Variants in LPP observed in about 807,000 individuals in gnomAD.
The protein encoded by LPP is LIM domain containing preferred translocation partner in lipoma.
LPP carries 38 observed loss-of-function variants against 60.4 expected under a neutral mutation model. The ratio of observed to expected loss-of-function variants is 0.63; its 90% CI spans 0.49 to 0.83. The LOEUF is 0.83. Among genes scored for constraint, LPP ranks in the 40% least tolerant of loss-of-function variants. The probability of loss-of-function intolerance (pLI) is 0.00; values close to 1 mark genes in which losing one functional copy is unlikely to be tolerated. For missense variants in LPP, 902 were observed against 783.6 expected (o/e 1.15, Z -1.80); for synonymous variants, 328 against 290.8 (o/e 1.13, Z -1.30).
chr3:188,463,162 T>G (rs1023358451), intron 4 of LPP, among the ~76,000 whole-genome samples: 2 of 152,118 alleles, frequency 1.3e-5, no homozygotes, highest in African/African-American at 4.8e-5. Flanking sequence ...GTGTCTCTTT[T>G]ACTGCATATG....
At chr3:188,421,909 A>T (rs1560382755) in intron 4 of LPP, among the ~76,000 whole-genome samples, 1 of 152,296 alleles carries the variant, frequency 6.6e-6, no homozygotes, top group Middle Eastern at 3.4e-3. Flanking sequence ...CACCAAGGTT[A>T]TGGCTCCTAA....
intron 9 of LPP, among the ~76,000 whole-genome samples, chr3:188,823,021 A>T (rs1754422470): frequency 6.6e-6 from 1 of 152,090 alleles, no homozygotes; most frequent in Non-Finnish European, 1.5e-5. Context: ...TCCTGTAGAG[A>T]TACTTGGACA....
intron 7 of LPP, among the ~76,000 whole-genome samples, chr3:188,660,163 A>C (rs560918395): frequency 2.6e-5 from 4 of 152,068 alleles, no homozygotes; most frequent in Admixed American, 6.6e-5. Flanking sequence ...TTCTCTCCTT[A>C]CTTTTGCCTT....
In LPP at chr3:188,882,200, A is replaced by G. The variant is rs1298335579; in HGVS notation, c.*7721A>G. Reference sequence around the variant, plus strand: ...TGACATTAGTAAGACTTTATGGAGTACATAAAATTTGATAAGAAATCTTGA... The same window carrying G: ...TGACATTAGTAAGACTTTATGGAGTGCATAAAATTTGATAAGAAATCTTGA... On this transcript the variant is annotated 3_prime_UTR_variant, in exon 12 of 12. Transcript: ENST00000617246. 4.6e-6 allele frequency: 1 copy of G among 215,928 alleles called. No homozygotes were observed. Among genetic ancestry groups the G allele is most frequent in the African/African-American group, 2.3e-5 (1 of 44,438 alleles). The allele number at this position is 215,928 out of a possible 1,614,324, so 13.4% of individuals were successfully genotyped here.
At position 188,253,133 on chromosome 3, in the gene LPP, C is replaced by T. The variant is rs936363902; in HGVS notation, c.-67+27606C>T. ...TTTTTTTCTCAATTAGAAAGGTCTT[C>T]GGAAATTAGATATATTGGCCTTTCA... On this transcript the variant is annotated intron_variant, in intron 2 of 11. Transcript: ENST00000617246. 1.1e-4 allele frequency among the ~76,000 whole-genome samples: 17 copies of T among 148,068 alleles called. No individual in the cohort carries two copies. The South Asian group carries it at 1.5e-3, about 13-fold the overall frequency.
At chr3:188,459,588 C>T (rs1314764600) in intron 4 of LPP, among the ~76,000 whole-genome samples, 4 of 152,064 alleles carry the variant, frequency 2.6e-5, no homozygotes, top group African/African-American at 9.7e-5. Context: ...ATTGACTTTT[C>T]CAGGAAACTT....
At chr3:188,307,435 G>A (rs1323778357) in intron 2 of LPP, among the ~76,000 whole-genome samples, 2 of 152,188 alleles carry the variant, frequency 1.3e-5, no homozygotes, top group African/African-American at 4.8e-5. Flanking sequence ...TCAATGATTA[G>A]AAATAGCTGT....
At chr3:188,799,108 A>C (rs1214743565) in intron 9 of LPP, among the ~76,000 whole-genome samples, 2 of 152,256 alleles carry the variant, frequency 1.3e-5, no homozygotes, top group Non-Finnish European at 2.9e-5. Flanking sequence ...GTTCTCATTC[A>C]GCCTGCTGGA....
intron 2 of LPP, chr3:188,247,261 G>GGA (rs537847257): frequency 1.2e-4 from 55 of 478,206 alleles, no homozygotes; most frequent in South Asian, 1.0e-3. Context: ...ACTTTAGTGG[G>GGA]AAAAAAAAAA....
At chr3:188,424,195 G>C (rs758006558) in intron 4 of LPP, among the ~76,000 whole-genome samples, 1 of 152,030 alleles carries the variant, frequency 6.6e-6, no homozygotes, top group Admixed American at 6.6e-5. Context: ...TTTCCAAACA[G>C]CATTTATTAA....
chr3:188,616,610 C>A (rs13058812), intron 7 of LPP, among the ~76,000 whole-genome samples: 1 of 151,518 alleles, frequency 6.6e-6, no homozygotes, highest in East Asian at 1.9e-4. Context: ...TTTCCGTATA[C>A]GTTTTAGCAT....
chr3:188,694,722 T>C (rs1294966957), intron 7 of LPP, among the ~76,000 whole-genome samples: 2 of 151,266 alleles, frequency 1.3e-5, no homozygotes, highest in Admixed American at 6.6e-5. Flanking sequence ...AAATAAAAAC[T>C]AAAAAACAAC....
chr3:188,609,953 C>T lies in LPP; in HGVS notation c.1113+109C>T. ...AAGTGTGTGTGTTACTTTTATTTCA[C>T]TGACAAATACAATCCCAGGGAAGGA... is the stretch of plus-strand genomic sequence containing the variant. On this transcript the variant is annotated intron_variant, in intron 7 of 11. Transcript: ENST00000617246. This position sits in a 1 kb window ranked among gnomAD's most constrained non-coding sequence, Gnocchi z 6.9. 2 of 1,040,934 alleles carry T rather than the reference C, an allele frequency of 1.9e-6. No homozygotes were observed. The highest frequency in any genetic ancestry group is 1.6e-5 in the South Asian group (1 of 60,994). The allele number at this position is 1,040,934 out of a possible 1,614,324, so 64.5% of individuals were successfully genotyped here. A position where few individuals can be genotyped will look rare whatever the true frequency, so the allele number is the denominator to read the frequency against.
chr3:188,714,202 G>T lies in LPP; in HGVS notation c.1240+5809G>T, dbSNP rs79943348. Among the ~76,000 whole-genome samples the T allele has an allele frequency of 0.02, 3,005 of 152,186 alleles. 207 individuals carry two copies. In the East Asian group the frequency reaches 0.25, roughly 13 times the overall value. On this transcript the variant is annotated intron_variant, in intron 8 of 11. Transcript: ENST00000617246. ...TCATAATACATTACCATTACAGAAAGGTATATAAATGCTGTTCCTGCTGAA... is the reference window on the plus strand; with the variant it reads ...TCATAATACATTACCATTACAGAAATGTATATAAATGCTGTTCCTGCTGAA...
At chr3:188,284,182 A>C (rs1335833457) in intron 2 of LPP, among the ~76,000 whole-genome samples, 1 of 151,860 alleles carries the variant, frequency 6.6e-6, no homozygotes, top group African/African-American at 2.4e-5. Context: ...ACCTGACCTC[A>C]GGTGATCCGC....
chr3:188,179,153 C>T (rs548554507), intron 1 of LPP: 1 of 416,096 alleles, frequency 2.4e-6, no homozygotes, highest in African/African-American at 2.1e-5. Flanking sequence ...ACATATTCCC[C>T]CCGGCCCCCA....
intron 5 of LPP, among the ~76,000 whole-genome samples, chr3:188,506,705 C>T (rs1481157807): frequency 6.6e-6 from 1 of 152,232 alleles, no homozygotes; most frequent in Non-Finnish European, 1.5e-5. Context: ...GGCCTCTGCT[C>T]TTTCCATTAC....
intron 7 of LPP, among the ~76,000 whole-genome samples, chr3:188,669,727 C>T (rs1576943230): frequency 6.6e-6 from 1 of 152,266 alleles, no homozygotes; most frequent in South Asian, 2.1e-4. Context: ...ACTAGAAATA[C>T]CATTTGGCCC....
intron 2 of LPP, among the ~76,000 whole-genome samples, chr3:188,321,187 A>C (rs562142368): frequency 1.3e-5 from 2 of 152,276 alleles, no homozygotes; most frequent in South Asian, 4.1e-4. Context: ...TTTCCAACAA[A>C]TGTTTTGCTC....
Sources: allele counts gnomAD v4.1 joint callset (sites outside exome capture counted in the v4.1 genomes callset), GRCh38; gene constraint gnomAD v4.1.1; non-coding constraint Gnocchi (gnomAD v3.1); transcripts MANE v1.5; gene names NCBI Gene and HGNC (gene_info 2026-07-23, HGNC 2026-07-21).